Variants in SPPL2A observed in about 807,000 individuals in gnomAD.
SPPL2A encodes the protein signal peptide peptidase-like 2A.
Under a neutral mutation model 63.8 loss-of-function variants are expected in SPPL2A, and 51 were observed. That is an observed-to-expected ratio of 0.80 (90% CI 0.64 to 1.01). The LOEUF is 1.01. SPPL2A is among the 50% of genes least tolerant of loss of function. SPPL2A has a pLI of 0.00. For missense variants in SPPL2A, 553 were observed against 622.7 expected (o/e 0.89, Z 1.19); for synonymous variants, 188 against 205.8 (o/e 0.91, Z 0.74).
chr15:50,726,400 G>T, intron 10 of SPPL2A, 23 bp from the exon 11 acceptor site: 1 of 1,607,790 alleles, frequency 6.2e-7, no homozygotes, highest in Non-Finnish European at 8.5e-7. Flanking sequence ...AGGAAAAGAA[G>T]TTGTCTAATC....
intron 9 of SPPL2A, among the ~76,000 whole-genome samples, chr15:50,731,390 A>G (rs925967898): frequency 4.0e-5 from 6 of 151,862 alleles, no homozygotes; most frequent in Non-Finnish European, 8.8e-5. Flanking sequence ...TACTAAGACT[A>G]CAAAAATTAG....
In SPPL2A at chr15:50,732,641, G is replaced by T. The variant is rs776771051; in HGVS notation, c.976C>A (p.Leu326Met). Residue 326 changes from leucine to methionine, a missense_variant, in exon 9 of 15, where the codon CTG becomes ATG. By Grantham distance (15) the Leu-to-Met change is conservative (BLOSUM62 2). Coordinates refer to ENST00000261854, the MANE Select transcript of SPPL2A (RefSeq NM_032802.4). Reference protein sequence around the residue: ...LQDILGIAFCLNLIKTLKLPN... With the variant: ...LQDILGIAFCMNLIKTLKLPN... ...AACTTCAGTGTTTTAATTAAATTCA[G>T]ACAGAAAGCAATCCCCAAGATATCC... 1.2e-6 allele frequency: 2 copies of T among 1,610,848 alleles called. No homozygotes were observed. Among genetic ancestry groups the T allele is most frequent in the Non-Finnish European group, 1.7e-6 (2 of 1,177,616 alleles).
At chr15:50,709,723 G>C (rs1011655376) in intron 14 of SPPL2A, among the ~76,000 whole-genome samples, 5 of 152,036 alleles carry the variant, frequency 3.3e-5, no homozygotes, top group Non-Finnish European at 5.9e-5. Flanking sequence ...CTGAGAGGCA[G>C]AGGCTTTGCT....
intron 6 of SPPL2A, among the ~76,000 whole-genome samples, chr15:50,737,309 G>A (rs2062778950): frequency 6.6e-6 from 1 of 152,114 alleles, no homozygotes; most frequent in South Asian, 2.1e-4. Context: ...TTCTATCAAT[G>A]ACTACTATAA....
rs1237707605 is a variant in SPPL2A at position 50,702,552 on chromosome 15, A to G, written c.*5248T>C. 2 of 152,228 alleles carry G rather than the reference A, an allele frequency of 1.3e-5. No homozygotes were observed. Among genetic ancestry groups the G allele is most frequent in the Non-Finnish European group, 2.9e-5 (2 of 68,036 alleles). 9.4% of individuals were successfully genotyped at this position (152,228 alleles called of 1,614,324 possible). A position where few individuals can be genotyped will look rare whatever the true frequency, so the allele number is the denominator to read the frequency against. On this transcript the variant is annotated 3_prime_UTR_variant, in exon 15 of 15. Transcript: ENST00000261854. ...TTTAAAAAATGTTTTCATTTGAACA[A>G]AATGCAACAGAAGGTATAAAACAGG... is the stretch of plus-strand genomic sequence containing the variant.
intron 1 of SPPL2A, among the ~76,000 whole-genome samples, chr15:50,761,996 T>C (rs1596402429): frequency 1.3e-5 from 2 of 151,912 alleles, no homozygotes; most frequent in African/African-American, 4.8e-5. Context: ...ATCCCATGAC[T>C]GCGTCCACAC....
At chr15:50,728,609 G>A (rs2062705655) in intron 10 of SPPL2A, among the ~76,000 whole-genome samples, 1 of 150,376 alleles carries the variant, frequency 6.6e-6, no homozygotes, top group African/African-American at 2.4e-5. Flanking sequence ...GCCTCCCGAA[G>A]TGCTGGGATT....
chr15:50,755,629 A>C (rs1263577342), intron 1 of SPPL2A, among the ~76,000 whole-genome samples: 2 of 60,482 alleles, frequency 3.3e-5, no homozygotes, highest in Non-Finnish European at 6.9e-5. Context: ...CCCTGTCTCA[A>C]AAAAAAAAAA....
chr15:50,754,340 A>G (rs2062936151), intron 1 of SPPL2A, among the ~76,000 whole-genome samples: 1 of 152,102 alleles, frequency 6.6e-6, no homozygotes, highest in Admixed American at 6.6e-5. Flanking sequence ...ATGGGTTTTG[A>G]TAAGTGTACA....
intron 11 of SPPL2A, chr15:50,725,867 A>T: frequency 3.7e-6 from 1 of 271,082 alleles, no homozygotes. Flanking sequence ...ACACACATGT[A>T]GGATTAACAG....
At position 50,720,493 on chromosome 15, in the gene SPPL2A, A is replaced by G. The variant is rs111656673; in HGVS notation, c.1328-393T>C. Among the ~76,000 whole-genome samples the G allele has an allele frequency of 3.2e-3, 492 of 151,870 alleles. 5 individuals carry two copies. The highest frequency in any genetic ancestry group is 0.011 in the African/African-American group (467 of 41,478). Reference sequence around the variant, plus strand: ...ATTACATACTTCCTAAGCTTTGTTAATAAGCACATACTTTTGAACTTTTCT... The same window carrying G: ...ATTACATACTTCCTAAGCTTTGTTAGTAAGCACATACTTTTGAACTTTTCT... On this transcript the variant is annotated intron_variant, in intron 13 of 14. Coordinates refer to ENST00000261854, the MANE Select transcript of SPPL2A (RefSeq NM_032802.4).
In SPPL2A at chr15:50,757,692, T is replaced by G. The variant is rs114600443; in HGVS notation, c.66+7776A>C. ...AGGTGCCTGTTATGGTATTCTGGGA[T>G]CTCATGAACAATTTTAATTTACTTT... On this transcript the variant is annotated intron_variant, in intron 1 of 14. Coordinates refer to ENST00000261854, the MANE Select transcript of SPPL2A (RefSeq NM_032802.4). Among the ~76,000 whole-genome samples the G allele has an allele frequency of 2.7e-3, 407 of 152,288 alleles. 1 individual carries two copies. Among genetic ancestry groups the G allele is most frequent in the African/African-American group, 9.3e-3 (388 of 41,570 alleles).
At chr15:50,717,479 C>A (rs2062606890) in intron 14 of SPPL2A, among the ~76,000 whole-genome samples, 1 of 152,168 alleles carries the variant, frequency 6.6e-6, no homozygotes, top group African/African-American at 2.4e-5. Context: ...GGCCTTCTAT[C>A]ACTTCTTATT....
chr15:50,761,369 A>G (rs2063010159), intron 1 of SPPL2A, among the ~76,000 whole-genome samples: 2 of 152,108 alleles, frequency 1.3e-5, no homozygotes. Flanking sequence ...GCAACCCCAC[A>G]CTTTGGGAGG....
At chr15:50,757,477 C>A (rs1414902393) in intron 1 of SPPL2A, among the ~76,000 whole-genome samples, 1 of 152,158 alleles carries the variant, frequency 6.6e-6, no homozygotes, top group East Asian at 1.9e-4. Flanking sequence ...CCTTACTGCT[C>A]ACCCCCAATC....
intron 14 of SPPL2A, 82 bp downstream of exon 14, chr15:50,719,858 C>G: frequency 1.0e-6 from 1 of 973,588 alleles, no homozygotes; most frequent in Non-Finnish European, 1.5e-6. Flanking sequence ...AAAAGCTTTG[C>G]TACATATAGG....
chr15:50,723,053 G>A (rs1045691342), intron 12 of SPPL2A, among the ~76,000 whole-genome samples: 2 of 152,150 alleles, frequency 1.3e-5, no homozygotes, highest in African/African-American at 2.4e-5. Flanking sequence ...ACAGGTATAT[G>A]AAAAAATTGC....
At chr15:50,763,095 G>A (rs1290317308) in intron 1 of SPPL2A, among the ~76,000 whole-genome samples, 1 of 151,994 alleles carries the variant, frequency 6.6e-6, no homozygotes, top group Non-Finnish European at 1.5e-5. Flanking sequence ...GATTGAGCTG[G>A]CATCACTAAT....
At chr15:50,760,076 C>G (rs1400269916) in intron 1 of SPPL2A, among the ~76,000 whole-genome samples, 1 of 152,166 alleles carries the variant, frequency 6.6e-6, no homozygotes, top group Non-Finnish European at 1.5e-5. Flanking sequence ...TTAGTCAGCT[C>G]AGGCTTCATA....
Sources: allele counts gnomAD v4.1 joint callset (sites outside exome capture counted in the v4.1 genomes callset), GRCh38; gene constraint gnomAD v4.1.1; transcripts MANE v1.5; gene names NCBI Gene and HGNC (gene_info 2026-07-23, HGNC 2026-07-21).